FKBP7: variants seen among roughly 807,000 people sequenced by gnomAD.
FKBP7 encodes the protein FKBP prolyl isomerase 7, also known as peptidyl-prolyl cis-trans isomerase FKBP7.
In FKBP7, 24 loss-of-function variants were observed where a neutral mutation model predicts 24.3. That is an observed-to-expected ratio of 0.99 (90% CI 0.72 to 1.39). The LOEUF is 1.39. Among genes scored for constraint, FKBP7 ranks in the 40% most tolerant of loss-of-function variants. The pLI, the probability that FKBP7 is intolerant of heterozygous loss-of-function variation, is 0.00. For missense variants in FKBP7, 257 were observed against 269.5 expected, an observed-to-expected ratio of 0.95 and a Z score of 0.33; for synonymous variants, 98 against 92.8, an observed-to-expected ratio of 1.06 and a Z score of -0.32.
At chr2:178,473,439 A>C (rs1334105951) in intron 2 of FKBP7, among the ~76,000 whole-genome samples, 1 of 152,264 alleles carries the variant, frequency 6.6e-6, no homozygotes, top group African/African-American at 2.4e-5. Context: ...CCTCCAATTG[A>C]ATATGAACTT....
At chr2:178,475,646 G>A (rs1426994685) in intron 2 of FKBP7, among the ~76,000 whole-genome samples, 1 of 152,178 alleles carries the variant, frequency 6.6e-6, no homozygotes, top group Non-Finnish European at 1.5e-5. Context: ...AATCTGATGA[G>A]TGAAATATGA....
At chr2:178,465,956 T>C (rs1291152327) in intron 3 of FKBP7, 25 bp from the exon 4 acceptor site, 7 of 1,561,102 alleles carry the variant, frequency 4.5e-6, no homozygotes, top group Non-Finnish European at 5.2e-6. Flanking sequence ...TAACATTCCT[T>C]TAATTAAAAG....
intron 1 of FKBP7, among the ~76,000 whole-genome samples, chr2:178,477,721 C>A (rs73036323): frequency 0.02 from 3,088 of 151,914 alleles, 99 homozygotes; most frequent in African/African-American, 0.07. Flanking sequence ...CTGTTTTTCC[C>A]AGTCCTATCT....
At chr2:178,472,481 C>CT (rs34834046) in intron 2 of FKBP7, among the ~76,000 whole-genome samples, 3,143 of 144,838 alleles carry the variant, frequency 0.022, 76 homozygotes, top group Non-Finnish European at 0.031. Context: ...GCTTATACCA[C>CT]TTTTTTTTTT....
Position 178,465,694 on chromosome 2 carries a change from C to A in FKBP7, c.*76G>T. Reference sequence around the variant, plus strand: ...CATAGGGGAAAAATAGCAAATACAACTTGGAGAAAAGTGACTTTGTTTTAT... The same window carrying A: ...CATAGGGGAAAAATAGCAAATACAAATTGGAGAAAAGTGACTTTGTTTTAT... On this transcript the variant is annotated 3_prime_UTR_variant, in exon 4 of 4. Transcript: ENST00000424785. 1 of 1,331,206 alleles carries A rather than the reference C, an allele frequency of 7.5e-7. No homozygotes were observed. Among genetic ancestry groups the A allele is most frequent in the Non-Finnish European group, 9.9e-7 (1 of 1,010,626 alleles). The allele number at this position is 1,331,206 out of a possible 1,614,324, so 82.5% of individuals were successfully genotyped here.
rs375426280 is a variant in FKBP7 at position 178,475,164 on chromosome 2, T to A, written c.373+1898A>T. The stretch of plus-strand genomic sequence containing the variant: ...CCCACCCAAAAATGCCTGCAGTGAA[T>A]GTTCTTTTACATATACCTTTGTGCA... On this transcript the variant is annotated intron_variant, in intron 2 of 3. Coordinates refer to ENST00000424785, the MANE Select transcript of FKBP7 (RefSeq NM_181342.3). Among the ~76,000 whole-genome samples, 4 of 152,310 alleles carry A rather than the reference T, an allele frequency of 2.6e-5. No homozygotes were observed. In the East Asian group the frequency reaches 7.7e-4, roughly 29 times the overall value.
rs770946408 is a variant in FKBP7, at chr2:178,469,632, A to G, written c.507+20T>C. The G allele has an allele frequency of 1.2e-6, 2 of 1,613,144 alleles. No homozygotes were observed. The highest frequency in any genetic ancestry group is 1.7e-6 in the Non-Finnish European group (2 of 1,179,666). The stretch of plus-strand genomic sequence containing the variant: ...GTGATAAAAAAATTAGACTATACAC[A>G]TGAAATTGGTTTGAATTACCTCGGC... On this transcript the variant is annotated intron_variant, in intron 3 of 3. Transcript: ENST00000424785.
chr2:178,464,973 T>C lies in FKBP7; in HGVS notation c.*797A>G, dbSNP rs908411736. ...AGGGAACGAAAACTAAGAAATTTCA[T>C]GGCATCAATTTAAAACTATCAAGAC... On this transcript the variant is annotated 3_prime_UTR_variant, in exon 4 of 4. Coordinates refer to ENST00000424785, the MANE Select transcript of FKBP7 (RefSeq NM_181342.3). 4 of 152,168 alleles carry C rather than the reference T, an allele frequency of 2.6e-5. No homozygotes were observed. The highest frequency in any genetic ancestry group is 7.2e-5 in the African/African-American group (3 of 41,426). 9.4% of individuals were successfully genotyped at this position (152,168 alleles called of 1,614,324 possible). A position where few individuals can be genotyped will look rare whatever the true frequency, so the allele number is the denominator to read the frequency against.
chr2:178,477,817 G>C (rs927102983), intron 1 of FKBP7, among the ~76,000 whole-genome samples: 5 of 152,144 alleles, frequency 3.3e-5, no homozygotes, highest in Non-Finnish European at 5.9e-5. Context: ...AGGGAGCAGG[G>C]CCCACCAGAA....
intron 2 of FKBP7, among the ~76,000 whole-genome samples, chr2:178,472,767 G>C (rs1369589012): frequency 7.1e-6 from 1 of 141,236 alleles, no homozygotes; most frequent in African/African-American, 2.6e-5. Context: ...AGAATAGCTT[G>C]AACCCGGGAG....
rs372578699 is a variant in FKBP7, at chr2:178,464,009, T to C, written c.*1761A>G. On this transcript the variant is annotated 3_prime_UTR_variant, in exon 4 of 4. Transcript: ENST00000424785. ...AATTGAGCATAGAAATGAAGAAATA[T>C]TGGGAGGAAGGAAAAGATAGTACAG... is the stretch of plus-strand genomic sequence containing the variant. 1 of 152,108 alleles carries C rather than the reference T, an allele frequency of 6.6e-6. No homozygotes were observed. Among genetic ancestry groups the C allele is most frequent in the Admixed American group, 6.5e-5 (1 of 15,268 alleles). The allele number at this position is 152,108 out of a possible 1,614,324, so 9.4% of individuals were successfully genotyped here. A position where few individuals can be genotyped will look rare whatever the true frequency, so the allele number is the denominator to read the frequency against.
At chr2:178,477,785 A>C (rs1182668121) in intron 1 of FKBP7, among the ~76,000 whole-genome samples, 1 of 152,238 alleles carries the variant, frequency 6.6e-6, no homozygotes, top group Admixed American at 6.5e-5. Flanking sequence ...CAATTAAATC[A>C]GAGTAGGCAC....
intron 3 of FKBP7, among the ~76,000 whole-genome samples, chr2:178,469,311 G>A (rs776184050): frequency 6.6e-6 from 1 of 152,084 alleles, no homozygotes; most frequent in South Asian, 2.1e-4. Context: ...CCTATGAGGC[G>A]TGAATTATTT....
chr2:178,467,976 A>G (rs1684724257), intron 3 of FKBP7: 1 of 152,248 alleles, frequency 6.6e-6, no homozygotes, highest in South Asian at 2.1e-4. Context: ...CCTTCTTCTT[A>G]AGAACAGGAC....
intron 3 of FKBP7, among the ~76,000 whole-genome samples, chr2:178,469,366 C>T (rs1241739286): frequency 6.6e-6 from 1 of 152,140 alleles, no homozygotes; most frequent in Non-Finnish European, 1.5e-5. Context: ...AAGAGATATG[C>T]TAGTGTAATC....
chr2:178,478,600 C>A lies in FKBP7; in HGVS notation c.-101G>T. On this transcript the variant is annotated 5_prime_UTR_variant, in exon 1 of 4. Transcript: ENST00000424785. ...GCGTGGCAGGCGTTGTCCTGCGTCA[C>A]AAAGGGCCGGGGCGGGGCCATAGAT... 6.5e-7 allele frequency: 1 copy of A among 1,548,890 alleles called. No individual in the cohort carries two copies.
In FKBP7 at chr2:178,478,540, C is replaced by A; in HGVS notation, c.-41G>T. ...ACTGCTCTCCCTCCCGCGTGTCACT[C>A]GCGCCCCGTGGATGTCCCGCGGCCG... On this transcript the variant is annotated 5_prime_UTR_variant, in exon 1 of 4. Coordinates refer to ENST00000424785, the MANE Select transcript of FKBP7 (RefSeq NM_181342.3). The A allele has an allele frequency of 6.2e-7, 1 of 1,608,386 alleles. No homozygotes were observed. Among genetic ancestry groups the A allele is most frequent in the Non-Finnish European group, 8.5e-7 (1 of 1,177,646 alleles).
rs1463245560 is a variant in FKBP7 at position 178,469,867 on chromosome 2, T to C, written c.374-82A>G. 9.0e-6 allele frequency: 10 copies of C among 1,106,440 alleles called. No homozygotes were observed. The South Asian group carries it at 1.3e-4, about 15-fold the overall frequency. The allele number at this position is 1,106,440 out of a possible 1,614,324, so 68.5% of individuals were successfully genotyped here. A position where few individuals can be genotyped will look rare whatever the true frequency, so the allele number is the denominator to read the frequency against. On this transcript the variant is annotated intron_variant, in intron 2 of 3. Coordinates refer to ENST00000424785, the MANE Select transcript of FKBP7 (RefSeq NM_181342.3). ...TTCATGAACTGCCATAACCATATTA[T>C]ATTATTTCATGTTGATAAGAATTGC...
chr2:178,472,984 A>G, intron 2 of FKBP7: 1 of 789,400 alleles, frequency 1.3e-6, no homozygotes. Context: ...TATTTAGAGA[A>G]GCAGATCAAA....
Sources: gnomAD v4.1 joint callset for allele counts (sites outside exome capture counted in the v4.1 genomes callset) on GRCh38, gnomAD v4.1.1 for gene constraint, MANE v1.5 for transcripts, NCBI Gene and HGNC (gene_info 2026-07-23, HGNC 2026-07-21) for gene names.